Variants in CDC14A observed in about 807,000 individuals in gnomAD.
The protein encoded by CDC14A is cell division cycle 14A.
Under a neutral mutation model 74.4 loss-of-function variants are expected in CDC14A, and 53 were observed. The observed-to-expected ratio is 0.71, with a 90% CI of 0.57 to 0.89. The LOEUF is 0.89. CDC14A is among the 40% of genes least tolerant of loss of function. The pLI, the probability that CDC14A is intolerant of heterozygous loss-of-function variation, is 0.00. For synonymous variants in CDC14A, 247 were observed against 258.4 expected, an observed-to-expected ratio of 0.96 and a Z score of 0.43; for missense variants, 646 against 713.7, an observed-to-expected ratio of 0.91 and a Z score of 1.08.
intron 2 of CDC14A, among the ~76,000 whole-genome samples, chr1:100,364,879 A>G (rs990384126): frequency 1.8e-4 from 27 of 152,218 alleles, no homozygotes; most frequent in Non-Finnish European, 2.6e-4. Flanking sequence ...TCTTGATACC[A>G]TCTGGTCTGT....
intron 3 of CDC14A, 24 bp downstream of exon 3, chr1:100,377,645 A>G: frequency 6.4e-7 from 1 of 1,552,454 alleles, no homozygotes; most frequent in South Asian, 1.1e-5. Flanking sequence ...TGATATTTAT[A>G]ATTTGGAATT....
chr1:100,422,260 GTGCCTCCCTCTTGCAGAA>G (rs1662456019), intron 4 of CDC14A, among the ~76,000 whole-genome samples: 2 of 152,158 alleles, frequency 1.3e-5, no homozygotes, highest in Non-Finnish European at 2.9e-5. Flanking sequence ...ATGTGGGCTG[GTGCCTCCCTCTTGCAGAA>G]TGACTCCCTC....
intron 5 of CDC14A, among the ~76,000 whole-genome samples, chr1:100,426,694 A>G (rs1662998287): frequency 6.6e-6 from 1 of 152,200 alleles, no homozygotes; most frequent in South Asian, 2.1e-4. Context: ...AACTTCTGGT[A>G]TTAGTTGATT....
intron 8 of CDC14A, among the ~76,000 whole-genome samples, chr1:100,460,698 C>T (rs949553421): frequency 1.3e-5 from 2 of 152,156 alleles, no homozygotes; most frequent in Non-Finnish European, 2.9e-5. Context: ...ATGTTTTCTC[C>T]ATGTTTGTGT....
At chr1:100,360,442 C>G (rs1373949619) in intron 2 of CDC14A, among the ~76,000 whole-genome samples, 1 of 151,628 alleles carries the variant, frequency 6.6e-6, no homozygotes, top group African/African-American at 2.4e-5. Context: ...CTCCGGGGTT[C>G]AAGCAATTCT....
At chr1:100,445,952 A>C (rs1665499234) in intron 7 of CDC14A, among the ~76,000 whole-genome samples, 1 of 152,180 alleles carries the variant, frequency 6.6e-6, no homozygotes, top group African/African-American at 2.4e-5. Context: ...AATTTCTTAA[A>C]TGTTTAAGGA....
Position 100,352,989 on chromosome 1 carries a change from G to A in CDC14A, c.35G>A (p.Cys12Tyr), listed in dbSNP as rs377636796. The A allele has an allele frequency of 1.7e-5, 27 of 1,614,016 alleles. No individual in the cohort carries two copies. Among genetic ancestry groups the A allele is most frequent in the Middle Eastern group, 1.7e-4 (1 of 6,028 alleles). Residue 12 changes from cysteine (C) to tyrosine (Y), a missense_variant, in exon 1 of 16, where the codon TGT becomes TAT. Coordinates refer to ENST00000336454, the MANE Select transcript of CDC14A (RefSeq NM_003672.4). Reference sequence around the variant, plus strand: ...GAGTCAGGGGAACTAATCGGGGCTTGTGAGTTCATGAAAGGTGAGGAGCAG... The same window carrying A: ...GAGTCAGGGGAACTAATCGGGGCTTATGAGTTCATGAAAGGTGAGGAGCAG... ...AAESGELIGA[C>Y]EFMKDRLYFA...
intron 2 of CDC14A, among the ~76,000 whole-genome samples, chr1:100,359,449 T>C (rs896376177): frequency 1.3e-5 from 2 of 152,168 alleles, no homozygotes; most frequent in African/African-American, 4.8e-5. Context: ...ATGGGACAAC[T>C]TTGCCCCTTC....
intron 9 of CDC14A, among the ~76,000 whole-genome samples, chr1:100,463,858 G>A (rs913289290): frequency 8.5e-5 from 13 of 152,166 alleles, no homozygotes; most frequent in African/African-American, 2.9e-4. Flanking sequence ...GCCCTGGGCT[G>A]GAGCCTCGAG....
In CDC14A at chr1:100,383,577, A is replaced by G. The variant is rs1312723036; in HGVS notation, c.216+5956A>G. ...CTCATTTTATCGCTTTTGCAGTGAG[A>G]TGACCACTGATTGCTATGGAGATGC... On this transcript the variant is annotated intron_variant, in intron 3 of 15. Transcript: ENST00000336454. The G allele has an allele frequency of 2.0e-5, 3 of 152,606 alleles. No individual in the cohort carries two copies. In the East Asian group the frequency reaches 5.8e-4, roughly 29 times the overall value. 9.5% of individuals were successfully genotyped at this position (152,606 alleles called of 1,614,324 possible).
rs148162452 is a variant in CDC14A at position 100,499,008 on chromosome 1, T to G, written c.1501T>G (p.Ser501Ala). 11 of 1,613,952 alleles carry G rather than the reference T, an allele frequency of 6.8e-6. No individual in the cohort carries two copies. The highest frequency in any genetic ancestry group is 4.0e-5 in the African/African-American group (3 of 74,868). Residue 501 changes from serine to alanine, a missense_variant, in exon 15 of 16, where the codon TCC (serine) becomes GCC (alanine). By Grantham distance (99) the Ser-to-Ala change is moderately conservative. Transcript: ENST00000336454. ...AGATGATCCAGAGAACAAAAAGACC[T>G]CCTCATCCTCTAAGGCAGGCTTCAC... Reference protein sequence around the residue: ...ATDDPENKKTSSSSKAGFTAS... With the variant: ...ATDDPENKKTASSSKAGFTAS...
intron 5 of CDC14A, among the ~76,000 whole-genome samples, chr1:100,432,153 T>G (rs1377749910): frequency 1.3e-5 from 2 of 152,240 alleles, no homozygotes; most frequent in Non-Finnish European, 2.9e-5. Context: ...CCCTGCCTCC[T>G]GAGGCATGTG....
rs111309725 is a variant in CDC14A, at chr1:100,369,829, A to AT, written c.141-7702dup. Reference sequence around the variant, plus strand: ...GTGTTTCCTAGGTTTTCTTCTAAAAATTTTTTTTTTTTTTTGAGACACCTA... The same window carrying AT: ...GTGTTTCCTAGGTTTTCTTCTAAAAATTTTTTTTTTTTTTTTGAGACACCTA... On this transcript the variant is annotated intron_variant, in intron 2 of 15. Transcript: ENST00000336454. Among the ~76,000 whole-genome samples the AT allele has an allele frequency of 1.1e-3, 155 of 143,390 alleles. 1 individual carries two copies. Among genetic ancestry groups the AT allele is most frequent in the South Asian group, 2.2e-3 (10 of 4,464 alleles). 94.1% of individuals were successfully genotyped at this position (143,390 alleles called of 152,430 possible).
intron 2 of CDC14A, among the ~76,000 whole-genome samples, chr1:100,376,195 T>C (rs184879401): frequency 3.0e-3 from 451 of 152,234 alleles, no homozygotes; most frequent in Non-Finnish European, 4.4e-3. Flanking sequence ...GAGCTATACC[T>C]AATGTAAATG....
At chr1:100,349,380 T>C (rs1462435174), upstream of CDC14A, among the ~76,000 whole-genome samples, 2 of 152,202 alleles carry the variant, frequency 1.3e-5, no homozygotes, top group Admixed American at 1.3e-4. Flanking sequence ...TTATATCAAG[T>C]TTCGTGGTTG....
chr1:100,498,212 T>C lies in CDC14A; in HGVS notation c.1421+5T>C, dbSNP rs776762936. The C allele has an allele frequency of 3.1e-6, 5 of 1,613,042 alleles. No homozygotes were observed. The highest frequency in any genetic ancestry group is 3.4e-6 in the Non-Finnish European group (4 of 1,179,572). On this transcript the variant is annotated splice_donor_5th_base_variant and intron_variant, in intron 14 of 15. Transcript: ENST00000336454. Reference sequence around the variant, plus strand: ...TTCGGGTGCCACTGTAAGAAGGTAATTTTTCTCTCCCTCTTCTAAGGTGCT... The same window carrying C: ...TTCGGGTGCCACTGTAAGAAGGTAACTTTTCTCTCCCTCTTCTAAGGTGCT...
intron 4 of CDC14A, among the ~76,000 whole-genome samples, chr1:100,412,726 T>TATATATATAAA (rs1557732328): frequency 1.9e-4 from 15 of 80,216 alleles, no homozygotes; most frequent in African/African-American, 1.3e-3. Context: ...ATATATATTT[T>TATATATATAAA]ATATATATAT....
chr1:100,495,874 A>T, intron 12 of CDC14A, 128 bp from the exon 13 acceptor site: 1 of 724,744 alleles, frequency 1.4e-6, no homozygotes, highest in Non-Finnish European at 2.4e-6. Flanking sequence ...TCTAATATCC[A>T]TTTGCAAGGT....
Position 100,442,948 on chromosome 1 carries a change from AT to A in CDC14A, c.477del (p.Phe159LeufsTer31). ...TCTGCTTTTAGGGATTACAACATGG[AT>A]TTTTTGACTTTGAGACATTTGATGT... ...QGIRKGLQHG[F>X]FDFETFDVDE... On this transcript the variant is annotated frameshift_variant, in exon 7 of 16. Transcript: ENST00000336454. LOFTEE classifies it high-confidence loss of function. 1.9e-6 allele frequency: 3 copies of A among 1,603,168 alleles called. No homozygotes were observed. The highest frequency in any genetic ancestry group is 1.7e-5 in the Admixed American group (1 of 59,870).
Sources: gnomAD v4.1 joint callset for allele counts (sites outside exome capture counted in the v4.1 genomes callset) on GRCh38, gnomAD v4.1.1 for gene constraint, MANE v1.5 for transcripts, NCBI Gene and HGNC (gene_info 2026-07-23, HGNC 2026-07-21) for gene names.